Variants in SCOC observed in about 807,000 individuals in gnomAD.
SCOC encodes short coiled-coil protein.
Under a neutral mutation model 9.9 loss-of-function variants are expected in SCOC, and 7 were observed. The ratio of observed to expected loss-of-function variants is 0.71; its 90% CI spans 0.40 to 1.33. The LOEUF (loss-of-function observed/expected upper bound fraction) is 1.33, where lower values mean the gene tolerates loss of function less well. Ranked by LOEUF, SCOC falls within the 40% of genes most tolerant of loss-of-function variation. SCOC has a pLI of 0.01. For synonymous variants in SCOC, 19 were observed against 28.2 expected (o/e 0.67, Z 1.03); for missense variants, 66 against 89.7 (o/e 0.74, Z 1.07).
chr4:140,274,565 A>G (rs1730933755), intron 1 of SCOC, among the ~76,000 whole-genome samples: 1 of 152,194 alleles, frequency 6.6e-6, no homozygotes, highest in African/African-American at 2.4e-5. Context: ...GGAGATGCCA[A>G]GAACCTCTCC....
At position 140,384,831 on chromosome 4, in the gene SCOC, C is replaced by G. The variant is rs531988358; in HGVS notation, c.*3727C>G. The G allele has an allele frequency of 6.6e-6, 1 of 152,236 alleles. No homozygotes were observed. Among genetic ancestry groups the G allele is most frequent in the African/African-American group, 2.4e-5 (1 of 41,534 alleles). 9.4% of individuals were successfully genotyped at this position (152,236 alleles called of 1,614,324 possible). A position where few individuals can be genotyped will look rare whatever the true frequency, so the allele number is the denominator to read the frequency against. On this transcript the variant is annotated 3_prime_UTR_variant, in exon 4 of 4. Transcript: ENST00000608372. The stretch of plus-strand genomic sequence containing the variant: ...AATTCTTAGGTTGAAATCCTAACCC[C>G]AATGTGATGCTTTTAGGAGGTGGGG...
intron 2 of SCOC, chr4:140,366,229 T>A: frequency 1.2e-6 from 1 of 803,372 alleles, no homozygotes; most frequent in South Asian, 4.7e-5. Context: ...ACTTTTCTAA[T>A]CACCTCTTTC....
At chr4:140,264,771 A>T (rs1387167933) in intron 1 of SCOC, among the ~76,000 whole-genome samples, 1 of 152,202 alleles carries the variant, frequency 6.6e-6, no homozygotes, top group Admixed American at 6.5e-5. Context: ...AAAAAATTTC[A>T]TGAGTTCTTT....
chr4:140,324,735 T>C (rs1479828304), intron 1 of SCOC, among the ~76,000 whole-genome samples: 1 of 152,088 alleles, frequency 6.6e-6, no homozygotes, highest in Non-Finnish European at 1.5e-5. Context: ...GAAGCATTAA[T>C]ATTATTAAGA....
At chr4:140,368,853 C>G (rs1349473464), upstream of SCOC, among the ~76,000 whole-genome samples, 1 of 152,124 alleles carries the variant, frequency 6.6e-6, no homozygotes, top group Non-Finnish European at 1.5e-5. Flanking sequence ...TGCTTAGGAA[C>G]AGAAGAAAAG....
chr4:140,291,470 C>T (rs1310818845), intron 1 of SCOC: 1 of 457,340 alleles, frequency 2.2e-6, no homozygotes, highest in South Asian at 1.5e-5. Context: ...ATGATGTCAT[C>T]ATTGTAATGG....
rs1728325172 is a variant in SCOC at position 140,375,934 on chromosome 4, C to CT, written c.-51+2217_-51+2218insT. On this transcript the variant is annotated intron_variant, in intron 1 of 3. Transcript: ENST00000608372. Reference sequence around the variant, plus strand: ...CCCCAAATTCATTTCAGTGTTCCCACGCTTGAGCAGACTTGGTCTTAATTT... The same window carrying CT: ...CCCCAAATTCATTTCAGTGTTCCCACTGCTTGAGCAGACTTGGTCTTAATTT... Among the ~76,000 whole-genome samples, 3 of 152,136 alleles carry CT rather than the reference C, an allele frequency of 2.0e-5. No individual in the cohort carries two copies. The South Asian group carries it at 6.2e-4, about 31-fold the overall frequency.
intron 1 of SCOC, among the ~76,000 whole-genome samples, chr4:140,300,380 C>G (rs1342800839): frequency 2.0e-5 from 3 of 152,186 alleles, no homozygotes; most frequent in Non-Finnish European, 2.9e-5. Context: ...TCACGGGCAG[C>G]CTTACAGGGT....
intron 2 of SCOC, among the ~76,000 whole-genome samples, chr4:140,355,455 T>A (rs1727187707): frequency 6.6e-6 from 1 of 152,124 alleles, no homozygotes; most frequent in Admixed American, 6.6e-5. Flanking sequence ...TGGAAAGGTT[T>A]AGTACATTGC....
At chr4:140,341,963 CACTTT>C (rs1726534453), upstream of SCOC, among the ~76,000 whole-genome samples, 2 of 152,188 alleles carry the variant, frequency 1.3e-5, no homozygotes, top group African/African-American at 4.8e-5. Flanking sequence ...CACTTCACTT[CACTTT>C]GTCAGACTTG....
chr4:140,371,156 A>T (rs1330006903), upstream of SCOC, among the ~76,000 whole-genome samples: 1 of 152,100 alleles, frequency 6.6e-6, no homozygotes, highest in Admixed American at 6.5e-5. Flanking sequence ...AAGTGCTGGG[A>T]TTACAGCCGT....
At chr4:140,324,547 G>A (rs1732591896) in intron 1 of SCOC, among the ~76,000 whole-genome samples, 1 of 151,984 alleles carries the variant, frequency 6.6e-6, no homozygotes. Context: ...TTCCAGAAAT[G>A]AATAGTTGTC....
chr4:140,277,546 T>A (rs1198847859), intron 1 of SCOC, among the ~76,000 whole-genome samples: 1 of 152,222 alleles, frequency 6.6e-6, no homozygotes, highest in Non-Finnish European at 1.5e-5. Context: ...AAGGAGTAAC[T>A]TATCTTTCTA....
At chr4:140,295,958 A>AAG (rs1051197727) in intron 1 of SCOC, among the ~76,000 whole-genome samples, 7 of 148,292 alleles carry the variant, frequency 4.7e-5, no homozygotes, top group Non-Finnish European at 1.0e-4. Context: ...GAAAGAAAGA[A>AAG]AAAAAAAAAG....
Position 140,373,650 on chromosome 4 carries a change from G to A in SCOC, c.-118G>A, listed in dbSNP as rs1290334983. The A allele has an allele frequency of 4.5e-6, 7 of 1,551,416 alleles. No individual in the cohort carries two copies. The highest frequency in any genetic ancestry group is 6.1e-6 in the Non-Finnish European group (7 of 1,146,986). On this transcript the variant is annotated 5_prime_UTR_variant, in exon 1 of 4. Coordinates refer to ENST00000608372, the MANE Select transcript of SCOC (RefSeq NM_001153484.2). The stretch of plus-strand genomic sequence containing the variant: ...GGAGTGGGCGGAGCTGCCGGGGTCA[G>A]TTGGTCCAAGTGTCCCGGCCTGAGG...
At chr4:140,271,463 G>A (rs767401573) in intron 1 of SCOC, among the ~76,000 whole-genome samples, 2 of 152,226 alleles carry the variant, frequency 1.3e-5, no homozygotes, top group African/African-American at 4.8e-5. Context: ...ATCAGAAGCA[G>A]TGCATGGATG....
intron 1 of SCOC, among the ~76,000 whole-genome samples, chr4:140,298,936 C>T (rs1412503496): frequency 6.6e-6 from 1 of 152,180 alleles, no homozygotes; most frequent in Non-Finnish European, 1.5e-5. Flanking sequence ...CCACTTCAGC[C>T]TCCTGAGTAG....
chr4:140,335,528 T>C (rs1732933448), intron 1 of SCOC, among the ~76,000 whole-genome samples: 1 of 152,218 alleles, frequency 6.6e-6, no homozygotes. Flanking sequence ...AATATCCAAA[T>C]AGTTTCGCAT....
At chr4:140,343,451 T>C in exon 1 of SCOC, 1 of 509,358 alleles carries the variant, frequency 2.0e-6, no homozygotes, top group South Asian at 3.3e-5. Flanking sequence ...CCACTTCCGG[T>C]TAAGAATGCA....
Sources: allele counts gnomAD v4.1 joint callset (sites outside exome capture counted in the v4.1 genomes callset), GRCh38; gene constraint gnomAD v4.1.1; transcripts MANE v1.5; gene names NCBI Gene and HGNC (gene_info 2026-07-23, HGNC 2026-07-21).